The following CCBE1 variants were observed in gnomAD, a reference collection of about 807,000 sequenced individuals.
The protein encoded by CCBE1 is collagen and calcium-binding EGF domain-containing protein 1.
CCBE1 carries 37 observed loss-of-function variants against 50.0 expected under a neutral mutation model. That is an observed-to-expected ratio of 0.74 (90% CI 0.57 to 0.97). CCBE1 has a LOEUF of 0.97. Among genes scored for constraint, CCBE1 ranks in the 50% least tolerant of loss-of-function variants. CCBE1 has a pLI of 0.00. For synonymous variants in CCBE1, 234 were observed against 203.7 expected (o/e 1.15, Z -1.27); for missense variants, 538 against 523.8 (o/e 1.03, Z -0.26).
At chr18:59,480,078 G>C (rs1912495140) in intron 3 of CCBE1, 108 bp downstream of exon 3, 3 of 796,466 alleles carry the variant, frequency 3.8e-6, no homozygotes, top group Non-Finnish European at 6.3e-6. Flanking sequence ...CAGATACACA[G>C]ATAATCAGAC....
chr18:59,438,589 T>G (rs1013529854), intron 9 of CCBE1, among the ~76,000 whole-genome samples: 5 of 152,220 alleles, frequency 3.3e-5, no homozygotes, highest in Admixed American at 3.3e-4. Flanking sequence ...GCAACACTGG[T>G]TAAAGAGAAA....
At chr18:59,554,574 T>C (rs778363632) in intron 2 of CCBE1, among the ~76,000 whole-genome samples, 1 of 152,200 alleles carries the variant, frequency 6.6e-6, no homozygotes, top group Non-Finnish European at 1.5e-5. Flanking sequence ...TTTGAGTCAC[T>C]AGTCCCAAGA....
intron 2 of CCBE1, among the ~76,000 whole-genome samples, chr18:59,549,888 C>T (rs1915851140): frequency 6.6e-6 from 1 of 152,156 alleles, no homozygotes; most frequent in South Asian, 2.1e-4. Flanking sequence ...TGCCCATTAT[C>T]CTCCCCATCA....
At chr18:59,488,747 A>G (rs1598944992) in intron 2 of CCBE1, among the ~76,000 whole-genome samples, 1 of 152,114 alleles carries the variant, frequency 6.6e-6, no homozygotes. Flanking sequence ...GGATAGTAAC[A>G]CTATCCACTC....
chr18:59,654,959 CA>C (rs1327514643), intron 2 of CCBE1, among the ~76,000 whole-genome samples: 1 of 151,722 alleles, frequency 6.6e-6, no homozygotes, highest in Non-Finnish European at 1.5e-5. Flanking sequence ...TGGGGGTGGG[CA>C]CCTGTAATCC....
intron 2 of CCBE1, among the ~76,000 whole-genome samples, chr18:59,512,017 T>C (rs1228065398): frequency 7.1e-6 from 1 of 140,644 alleles, no homozygotes; most frequent in Non-Finnish European, 1.6e-5. Context: ...ATAGTTCCTC[T>C]GTAGCCATAT....
chr18:59,510,428 T>C (rs987347332), intron 2 of CCBE1, among the ~76,000 whole-genome samples: 2 of 143,680 alleles, frequency 1.4e-5, no homozygotes, highest in African/African-American at 4.9e-5. Flanking sequence ...AAATTGAACT[T>C]TTTTTTTTTT....
intron 3 of CCBE1, among the ~76,000 whole-genome samples, chr18:59,475,453 G>A (rs1425501959): frequency 6.6e-6 from 1 of 152,118 alleles, no homozygotes; most frequent in Admixed American, 6.5e-5. Flanking sequence ...TCCTTATACT[G>A]CAGCAAAACT....
At chr18:59,585,148 A>G (rs2053159786) in intron 2 of CCBE1, among the ~76,000 whole-genome samples, 1 of 151,386 alleles carries the variant, frequency 6.6e-6, no homozygotes, top group Non-Finnish European at 1.5e-5. Flanking sequence ...AGCCTTCAAC[A>G]TGTTCCCTCA....
At chr18:59,610,913 C>T (rs898800699) in intron 2 of CCBE1, among the ~76,000 whole-genome samples, 7 of 152,248 alleles carry the variant, frequency 4.6e-5, no homozygotes, top group African/African-American at 1.7e-4. Context: ...GATGTGGGCA[C>T]AGCCCACAAC....
intron 2 of CCBE1, among the ~76,000 whole-genome samples, chr18:59,482,998 C>T: frequency 6.6e-6 from 1 of 152,016 alleles, no homozygotes; most frequent in Non-Finnish European, 1.5e-5. Context: ...GGAAGAGAAA[C>T]TGAGTTAAAC....
intron 2 of CCBE1, among the ~76,000 whole-genome samples, chr18:59,641,503 C>T (rs1568248817): frequency 6.6e-6 from 1 of 151,898 alleles, no homozygotes. Flanking sequence ...GGTACACTAT[C>T]CTTATTACCT....
At chr18:59,504,898 G>A (rs76183938) in intron 2 of CCBE1, among the ~76,000 whole-genome samples, 3,686 of 152,216 alleles carry the variant, frequency 0.024, 129 homozygotes, top group African/African-American at 0.083. Context: ...GCCTCATGAA[G>A]GTCACAGGTA....
chr18:59,450,305 G>A (rs951031462), intron 6 of CCBE1, among the ~76,000 whole-genome samples: 3 of 152,130 alleles, frequency 2.0e-5, no homozygotes, highest in Non-Finnish European at 4.4e-5. Context: ...CTAGATGGAT[G>A]GCGCTGTTCT....
chr18:59,466,827 G>T lies in CCBE1; in HGVS notation c.465C>A (p.Gly155=). The T allele has an allele frequency of 6.2e-7, 1 of 1,613,746 alleles. No homozygotes were observed. Among genetic ancestry groups the T allele is most frequent in the Non-Finnish European group, 8.5e-7 (1 of 1,179,892 alleles). The change falls in exon 5 of 11, where the codon GGC becomes GGA. Residue 155 remains glycine, a synonymous_variant. Coordinates refer to ENST00000439986, the MANE Select transcript of CCBE1 (RefSeq NM_133459.4). The stretch of plus-strand genomic sequence containing the variant: ...CTTCCCGGCACTCGCAGCGGTAGCT[G>T]CCCAAGGTATTGATGCAGATGTGGG... The part of the protein sequence containing the change: ...LCAHICINTL[G]SYRCECREGY...
At chr18:59,518,423 A>T (rs1354740751) in intron 2 of CCBE1, among the ~76,000 whole-genome samples, 1 of 152,228 alleles carries the variant, frequency 6.6e-6, no homozygotes, top group Non-Finnish European at 1.5e-5. Flanking sequence ...CTTGGGAGGC[A>T]GAGGTTGCAG....
chr18:59,642,663 C>A (rs958941228), intron 2 of CCBE1, among the ~76,000 whole-genome samples: 8 of 152,110 alleles, frequency 5.3e-5, no homozygotes, highest in African/African-American at 1.4e-4. Context: ...CTCAAGAATA[C>A]AATGGGCCGG....
intron 2 of CCBE1, among the ~76,000 whole-genome samples, chr18:59,526,823 G>A (rs1267187570): frequency 6.6e-6 from 1 of 152,180 alleles, no homozygotes; most frequent in Admixed American, 6.5e-5. Flanking sequence ...GTGGTTTTGA[G>A]TGAGTTTCTT....
chr18:59,536,744 C>T (rs570774142), intron 2 of CCBE1, among the ~76,000 whole-genome samples: 4 of 152,124 alleles, frequency 2.6e-5, no homozygotes, highest in Non-Finnish European at 5.9e-5. Flanking sequence ...AATCTCTGCA[C>T]TCTAGGAGGC....
Sources: allele counts gnomAD v4.1 joint callset (sites outside exome capture counted in the v4.1 genomes callset), GRCh38; gene constraint gnomAD v4.1.1; transcripts MANE v1.5; gene names NCBI Gene and HGNC (gene_info 2026-07-23, HGNC 2026-07-21).